The following PBX4 variants were observed in gnomAD, a reference collection of about 807,000 sequenced individuals.
PBX4 encodes PBX homeobox 4.
Under a neutral mutation model 35.1 loss-of-function variants are expected in PBX4, and 26 were observed. The ratio of observed to expected loss-of-function variants is 0.74; its 90% CI spans 0.54 to 1.03. PBX4 has a LOEUF of 1.03. Ranked by LOEUF, PBX4 falls within the 50% of genes least tolerant of loss-of-function variation. The pLI is 0.00. For missense variants in PBX4, 448 were observed against 504.3 expected (o/e 0.89, Z 1.07); for synonymous variants, 199 against 204.2 (o/e 0.97, Z 0.22).
In PBX4 at chr19:19,563,386, G is replaced by C; in HGVS notation, c.1032+123C>G. ...TGCCCCAGAGGTGGCCGCGCAGCAT[G>C]GCCTGTGTGGCTGCTGGGACCTCTG... On this transcript the variant is annotated intron_variant, in intron 7 of 7. Transcript: ENST00000251203. This position sits in a 1 kb window ranked among gnomAD's most constrained non-coding sequence, Gnocchi z 5.1. 1.4e-6 allele frequency: 1 copy of C among 723,720 alleles called. No individual in the cohort carries two copies. Among genetic ancestry groups the C allele is most frequent in the Non-Finnish European group, 2.3e-6 (1 of 440,846 alleles). 44.8% of individuals were successfully genotyped at this position (723,720 alleles called of 1,614,324 possible). A position where few individuals can be genotyped will look rare whatever the true frequency, so the allele number is the denominator to read the frequency against.
At position 19,569,536 on chromosome 19, in the gene PBX4, C is replaced by G; in HGVS notation, c.681G>C (p.Glu227Asp). The change falls in exon 5 of 8, where the codon GAG becomes GAC. Residue 227 changes from glutamate to aspartate, a missense_variant. Transcript: ENST00000251203. ...FSKQATEVLNEYFYSHLNNPY... is the reference protein window; with the variant it reads ...FSKQATEVLNDYFYSHLNNPY... ...GGTTGTTCAGATGGGAGTAAAAATACTCATTCAGCACTTCCGTCGCCTGCT... is the reference window on the plus strand; with the variant it reads ...GGTTGTTCAGATGGGAGTAAAAATAGTCATTCAGCACTTCCGTCGCCTGCT... 5 of 1,613,918 alleles carry G rather than the reference C, an allele frequency of 3.1e-6. No homozygotes were observed. Among genetic ancestry groups the G allele is most frequent in the Non-Finnish European group, 4.2e-6 (5 of 1,179,882 alleles).
At chr19:19,612,993 T>G (rs2061670717) in intron 1 of PBX4, among the ~76,000 whole-genome samples, 1 of 151,912 alleles carries the variant, frequency 6.6e-6, no homozygotes, top group Non-Finnish European at 1.5e-5. Flanking sequence ...CAGCTAATTT[T>G]TGTATTTTTA....
chr19:19,570,763 C>A lies in PBX4; in HGVS notation c.264G>T (p.Leu88=). 1.9e-6 allele frequency: 3 copies of A among 1,614,136 alleles called. No homozygotes were observed. Among genetic ancestry groups the A allele is most frequent in the Non-Finnish European group, 2.5e-6 (3 of 1,180,038 alleles). The change falls in exon 3 of 8, where the codon CTG becomes CTT. Residue 88 remains leucine, a synonymous_variant. Coordinates refer to ENST00000251203, the MANE Select transcript of PBX4 (RefSeq NM_025245.3). ...DAQLLRLDNM[L]LAEGVCRPEK... ...CGGGCCTGCACACGCCCTCAGCCAG[C>A]AGCATGTTATCCAGCCTCAGGAGCT...
At chr19:19,591,523 A>C (rs927897709) in intron 2 of PBX4, among the ~76,000 whole-genome samples, 5 of 152,246 alleles carry the variant, frequency 3.3e-5, no homozygotes, top group Non-Finnish European at 7.3e-5. Flanking sequence ...CCTGCAGCAC[A>C]ACAGCCCTGG....
rs116234281 is a variant in PBX4, at chr19:19,581,660, T to G, written c.194-10827A>C. 4.3e-3 allele frequency among the ~76,000 whole-genome samples: 659 copies of G among 152,270 alleles called. 5 individuals carry two copies. The highest frequency in any genetic ancestry group is 0.015 in the African/African-American group (637 of 41,542). On this transcript the variant is annotated intron_variant, in intron 2 of 7. Coordinates refer to ENST00000251203, the MANE Select transcript of PBX4 (RefSeq NM_025245.3). Reference sequence around the variant, plus strand: ...AAGGAAGGGGAGACAAAGGCCACGCTGCAGGAGGAGCGACCTACTCACTTT... The same window carrying G: ...AAGGAAGGGGAGACAAAGGCCACGCGGCAGGAGGAGCGACCTACTCACTTT...
At position 19,562,911 on chromosome 19, in the gene PBX4, G is replaced by C. The variant is rs755955103; in HGVS notation, c.1032+598C>G. Reference sequence around the variant, plus strand: ...GTGGGACGTGTGCTTCCCAGGACCAGGTGGGACCCCACAGACAGCACAGGA... The same window carrying C: ...GTGGGACGTGTGCTTCCCAGGACCACGTGGGACCCCACAGACAGCACAGGA... On this transcript the variant is annotated intron_variant, in intron 7 of 7. Coordinates refer to ENST00000251203, the MANE Select transcript of PBX4 (RefSeq NM_025245.3). The surrounding 1 kb of genome is among the most constrained non-coding windows in gnomAD (Gnocchi z 4.8). Among the ~76,000 whole-genome samples the C allele has an allele frequency of 1.3e-5, 2 of 152,330 alleles. No homozygotes were observed. Among genetic ancestry groups the C allele is most frequent in the South Asian group, 4.1e-4 (2 of 4,830 alleles).
intron 1 of PBX4, among the ~76,000 whole-genome samples, chr19:19,616,035 A>C (rs2061687241): frequency 6.6e-6 from 1 of 152,118 alleles, no homozygotes; most frequent in South Asian, 2.1e-4. Flanking sequence ...CCACACCACC[A>C]GACCCTAGTC....
rs535729117 is a variant in PBX4, at chr19:19,610,537, G to T, written c.119+7974C>A. ...AATCCGAGGCGGGATAATCATTTGA[G>T]GTCAGGAGTTCAAGACCAGCCTGCC... On this transcript the variant is annotated intron_variant, in intron 1 of 7. Coordinates refer to ENST00000251203, the MANE Select transcript of PBX4 (RefSeq NM_025245.3). 5.3e-5 allele frequency among the ~76,000 whole-genome samples: 8 copies of T among 152,184 alleles called. No individual in the cohort carries two copies. In the East Asian group the frequency reaches 1.2e-3, roughly 22 times the overall value.
chr19:19,579,338 G>A (rs1486752658), intron 2 of PBX4, among the ~76,000 whole-genome samples: 1 of 149,702 alleles, frequency 6.7e-6, no homozygotes, highest in Admixed American at 6.7e-5. Flanking sequence ...GTGAGACTCC[G>A]TCTCAAAAAA....
In PBX4 at chr19:19,562,364, TG is replaced by T. The variant is rs1215270039; in HGVS notation, c.1033-248del. ...GAAAACTGGCCTCTAGTGGCTTCCC[TG>T]GGGCTTAGGCAAAGGACTGACTGGC... On this transcript the variant is annotated intron_variant, in intron 7 of 7. Coordinates refer to ENST00000251203, the MANE Select transcript of PBX4 (RefSeq NM_025245.3). The surrounding 1 kb of genome is among the most constrained non-coding windows in gnomAD (Gnocchi z 4.8). Among the ~76,000 whole-genome samples, 1 of 152,098 alleles carries T rather than the reference TG, an allele frequency of 6.6e-6. No individual in the cohort carries two copies. The highest frequency in any genetic ancestry group is 1.9e-4 in the East Asian group (1 of 5,180).
At chr19:19,590,129 G>C (rs1415080953) in intron 2 of PBX4, among the ~76,000 whole-genome samples, 1 of 152,122 alleles carries the variant, frequency 6.6e-6, no homozygotes, top group East Asian at 1.9e-4. Context: ...TACTTCAGTG[G>C]TTTTTAGTTT....
intron 2 of PBX4, among the ~76,000 whole-genome samples, chr19:19,594,165 G>A (rs1568391630): frequency 1.3e-5 from 2 of 151,942 alleles, no homozygotes; most frequent in Non-Finnish European, 2.9e-5. Context: ...CAGCACTTTG[G>A]GAGGCCGAGG....
At chr19:19,600,709 C>T (rs193139008) in intron 1 of PBX4, among the ~76,000 whole-genome samples, 6 of 149,908 alleles carry the variant, frequency 4.0e-5, no homozygotes, top group African/African-American at 9.8e-5. Context: ...CCCAGCTACT[C>T]GGGAGGCTGA....
chr19:19,575,290 CA>C (rs2061412515), intron 2 of PBX4, among the ~76,000 whole-genome samples: 2 of 120,582 alleles, frequency 1.7e-5, no homozygotes, highest in Admixed American at 8.2e-5. Flanking sequence ...CCACTGCCAG[CA>C]CCCATGAGCG....
At position 19,569,466 on chromosome 19, in the gene PBX4, C is replaced by T. The variant is rs200171479; in HGVS notation, c.751G>A (p.Gly251Ser). ...EAKEELARKG[G>S]LTISQVSNWF... ...AACGTCACCTGGGAGATGGTGAGGC[C>T]GCCCTTCCTGGCCAGCTCTTCTTTG... The change falls in exon 5 of 8, where the codon GGC becomes AGC. Residue 251 changes from glycine (G) to serine (S), a missense_variant. Coordinates refer to ENST00000251203, the MANE Select transcript of PBX4 (RefSeq NM_025245.3). 5.1e-4 allele frequency: 821 copies of T among 1,611,918 alleles called. No homozygotes were observed. The highest frequency in any genetic ancestry group is 1.2e-3 in the Middle Eastern group (7 of 6,022).
At chr19:19,613,380 A>T (rs2061672883) in intron 1 of PBX4, among the ~76,000 whole-genome samples, 1 of 149,970 alleles carries the variant, frequency 6.7e-6, no homozygotes, top group Non-Finnish European at 1.5e-5. Context: ...AGGCAGGAGA[A>T]TCTCTTGAAC....
chr19:19,567,585 CCT>C (rs2061350644), intron 5 of PBX4, among the ~76,000 whole-genome samples: 1 of 152,144 alleles, frequency 6.6e-6, no homozygotes, highest in Non-Finnish European at 1.5e-5. Context: ...GCACCCAGGC[CCT>C]GTTCCACACA....
Position 19,573,636 on chromosome 19 carries a change from A to C in PBX4, c.194-2803T>G, listed in dbSNP as rs546832110. Reference sequence around the variant, plus strand: ...TAATTTGATAATAAGAACATAAACTATAATAGAAACAGCCAAAATAGCTAA... The same window carrying C: ...TAATTTGATAATAAGAACATAAACTCTAATAGAAACAGCCAAAATAGCTAA... On this transcript the variant is annotated intron_variant, in intron 2 of 7. Transcript: ENST00000251203. Among the ~76,000 whole-genome samples, 5 of 152,340 alleles carry C rather than the reference A, an allele frequency of 3.3e-5. No individual in the cohort carries two copies. The South Asian group carries it at 1.0e-3, about 32-fold the overall frequency.
At chr19:19,571,878 C>T (rs576644310) in intron 2 of PBX4, among the ~76,000 whole-genome samples, 1 of 151,600 alleles carries the variant, frequency 6.6e-6, no homozygotes, top group African/African-American at 2.4e-5. Context: ...ACTAAAAATA[C>T]AAAAATTAGC....
Sources: allele counts gnomAD v4.1 joint callset (sites outside exome capture counted in the v4.1 genomes callset), GRCh38; gene constraint gnomAD v4.1.1; non-coding constraint Gnocchi (gnomAD v3.1); transcripts MANE v1.5; gene names NCBI Gene and HGNC (gene_info 2026-07-23, HGNC 2026-07-21).